UTP20: variants seen among roughly 807,000 people sequenced by gnomAD.
UTP20 encodes small subunit processome component 20 homolog.
Under a neutral mutation model 329.5 loss-of-function variants are expected in UTP20, and 164 were observed. The observed-to-expected ratio is 0.50, with a 90% CI of 0.44 to 0.57. The LOEUF (loss-of-function observed/expected upper bound fraction) is 0.57. Ranked by LOEUF, UTP20 falls within the 20% of genes least tolerant of loss-of-function variation. UTP20 has a pLI of 0.00. For missense variants in UTP20, 3,055 were observed against 3,284.2 expected (o/e 0.93, Z 1.71); for synonymous variants, 1,151 against 1,159.3 (o/e 0.99, Z 0.14).
chr12:101,340,937 CTTTTTTTTTTTTTTTTTTTTTT>C (rs71091488), intron 32 of UTP20, among the ~76,000 whole-genome samples: 14 of 83,020 alleles, frequency 1.7e-4, no homozygotes, highest in South Asian at 4.5e-4. Context: ...ATTGTGTAAT[CTTTTTTTTTTTTTTTTTTTTTT>C]TTTTTTTTTT....
chr12:101,355,890 T>C (rs1869702380), intron 41 of UTP20, among the ~76,000 whole-genome samples: 1 of 152,210 alleles, frequency 6.6e-6, no homozygotes, highest in Non-Finnish European at 1.5e-5. Flanking sequence ...CTCACACAGT[T>C]GACAGTTCCC....
chr12:101,366,357 T>C (rs891698207), intron 46 of UTP20, among the ~76,000 whole-genome samples: 2 of 152,196 alleles, frequency 1.3e-5, no homozygotes, highest in Non-Finnish European at 2.9e-5. Flanking sequence ...CTAATATAAA[T>C]ATGTTGTCCT....
intron 15 of UTP20, among the ~76,000 whole-genome samples, chr12:101,305,027 G>A (rs562014243): frequency 3.3e-5 from 5 of 151,944 alleles, no homozygotes; most frequent in Non-Finnish European, 7.4e-5. Flanking sequence ...TTTGGTCTCC[G>A]TTTTTTAGGA....
intron 26 of UTP20, 96 bp from the exon 27 acceptor site, chr12:101,329,145 G>GTT (rs1868668566): frequency 1.9e-6 from 2 of 1,068,118 alleles, no homozygotes; most frequent in Admixed American, 4.4e-5. Context: ...AGAAAATACT[G>GTT]TATTATTAAG....
chr12:101,371,057 G>T lies in UTP20; in HGVS notation c.6688-1G>T. The T allele has an allele frequency of 2.5e-6, 4 of 1,613,440 alleles. No homozygotes were observed. The highest frequency in any genetic ancestry group is 3.4e-6 in the Non-Finnish European group (4 of 1,179,734). On this transcript the variant is annotated splice_acceptor_variant, in intron 50 of 61. Coordinates refer to ENST00000261637, the MANE Select transcript of UTP20 (RefSeq NM_014503.3). LOFTEE classifies it high-confidence loss of function. ...GTATGTCTTTTCCTTTTGTATCTTA[G>T]GCAATTTTATCAAGAAAGCTGTTGG...
At chr12:101,333,500 A>T in intron 28 of UTP20, 56 bp downstream of exon 28, 1 of 1,583,454 alleles carries the variant, frequency 6.3e-7, no homozygotes, top group Admixed American at 1.8e-5. Flanking sequence ...CTTTATTACT[A>T]ACTCACCAAC....
chr12:101,331,685 C>A (rs1242591331), intron 27 of UTP20, among the ~76,000 whole-genome samples: 1 of 152,062 alleles, frequency 6.6e-6, no homozygotes, highest in Non-Finnish European at 1.5e-5. Flanking sequence ...TATTAGTTTT[C>A]TTCATGTTAT....
At chr12:101,324,164 T>TA (rs974769171) in intron 25 of UTP20, among the ~76,000 whole-genome samples, 2 of 149,862 alleles carry the variant, frequency 1.3e-5, no homozygotes, top group African/African-American at 4.9e-5. Context: ...AATAAATAAA[T>TA]AATAATAATT....
At chr12:101,323,258 G>T (rs76476766) in intron 25 of UTP20, among the ~76,000 whole-genome samples, 3,049 of 151,960 alleles carry the variant, frequency 0.02, 93 homozygotes, top group African/African-American at 0.069. Flanking sequence ...GTTTATTTTG[G>T]TTTTTTTGCA....
At chr12:101,382,024 A>ATACCC (rs1870662561) in intron 58 of UTP20, among the ~76,000 whole-genome samples, 1 of 151,408 alleles carries the variant, frequency 6.6e-6, no homozygotes, top group African/African-American at 2.4e-5. Context: ...GTATCAAAAA[A>ATACCC]AAAAAAAAAA....
chr12:101,356,808 G>T, intron 42 of UTP20, 115 bp downstream of exon 42: 1 of 1,478,172 alleles, frequency 6.8e-7, no homozygotes, highest in South Asian at 1.4e-5. Flanking sequence ...AACTTGCTGT[G>T]GTTTCGAATA....
At chr12:101,324,169 A>G (rs1489889519) in intron 25 of UTP20, among the ~76,000 whole-genome samples, 4 of 151,422 alleles carry the variant, frequency 2.6e-5, no homozygotes, top group Non-Finnish European at 5.9e-5. Context: ...ATAAATAATA[A>G]TAATTTTTTT....
At chr12:101,338,741 A>T (rs543267094) in intron 30 of UTP20, 72 bp from the exon 31 acceptor site, 14 of 1,318,224 alleles carry the variant, frequency 1.1e-5, no homozygotes, top group Non-Finnish European at 1.3e-5. Context: ...TTTTCTTATC[A>T]TCATGAAGAT....
intron 60 of UTP20, among the ~76,000 whole-genome samples, 170 bp downstream of exon 60, chr12:101,383,839 T>C (rs560738267): frequency 4.9e-4 from 72 of 147,674 alleles, no homozygotes; most frequent in African/African-American, 1.5e-3. Flanking sequence ...TATTTATATA[T>C]ATACACACAC....
intron 17 of UTP20, 98 bp downstream of exon 17, chr12:101,306,859 A>G (rs539602239): frequency 5.8e-5 from 70 of 1,202,586 alleles, no homozygotes; most frequent in South Asian, 1.5e-4. Context: ...TTAACACACT[A>G]TATAAATATC....
At chr12:101,325,084 G>A (rs762135179) in intron 25 of UTP20, among the ~76,000 whole-genome samples, 4 of 152,116 alleles carry the variant, frequency 2.6e-5, no homozygotes, top group Non-Finnish European at 5.9e-5. Context: ...AGCAGTCACA[G>A]ATTATGTTAG....
Position 101,280,137 on chromosome 12 carries a change from C to T in UTP20, c.-146C>T, listed in dbSNP as rs931856012. Reference sequence around the variant, plus strand: ...CTCCTCCTTGTCTCCAACATGGCGGCGCCCAGGGGCTCAAGCCGCACGTGA... The same window carrying T: ...CTCCTCCTTGTCTCCAACATGGCGGTGCCCAGGGGCTCAAGCCGCACGTGA... On this transcript the variant is annotated 5_prime_UTR_variant, in exon 1 of 62. Coordinates refer to ENST00000261637, the MANE Select transcript of UTP20 (RefSeq NM_014503.3). The T allele has an allele frequency of 4.9e-6, 5 of 1,029,592 alleles. No homozygotes were observed. Among genetic ancestry groups the T allele is most frequent in the Admixed American group, 2.8e-5 (1 of 35,462 alleles). 63.8% of individuals were successfully genotyped at this position (1,029,592 alleles called of 1,614,324 possible).
At chr12:101,327,488 T>G (rs1178803013) in intron 26 of UTP20, among the ~76,000 whole-genome samples, 1 of 152,226 alleles carries the variant, frequency 6.6e-6, no homozygotes, top group East Asian at 1.9e-4. Context: ...GAAATGTGTA[T>G]TTTTATTGCA....
At chr12:101,367,703 C>A (rs1375832172) in intron 47 of UTP20, among the ~76,000 whole-genome samples, 157 bp from the exon 48 acceptor site, 1 of 152,176 alleles carries the variant, frequency 6.6e-6, no homozygotes, top group Admixed American at 6.5e-5. Context: ...CTTACTGAGA[C>A]CCTCCCAGGC....
Sources: allele counts gnomAD v4.1 joint callset (sites outside exome capture counted in the v4.1 genomes callset), GRCh38; gene constraint gnomAD v4.1.1; transcripts MANE v1.5; gene names NCBI Gene and HGNC (gene_info 2026-07-23, HGNC 2026-07-21).